The following MAST4 variants were observed in gnomAD, a reference collection of about 807,000 sequenced individuals.
The protein encoded by MAST4 is microtubule associated serine/threonine kinase family member 4.
Under a neutral mutation model 162.7 loss-of-function variants are expected in MAST4, and 89 were observed. The ratio of observed to expected loss-of-function variants is 0.55; its 90% CI spans 0.46 to 0.65. The LOEUF (loss-of-function observed/expected upper bound fraction) is 0.65, where lower values mean the gene tolerates loss of function less well. Among genes scored for constraint, MAST4 ranks in the 30% least tolerant of loss-of-function variants. The probability of loss-of-function intolerance (pLI) is 0.00; values close to 1 mark genes in which losing one functional copy is unlikely to be tolerated. For missense variants in MAST4, 3,153 were observed against 3,374.0 expected (o/e 0.93, Z 1.62); for synonymous variants, 1,479 against 1,361.1 (o/e 1.09, Z -1.91).
At chr5:66,769,804 C>G (rs977459244) in intron 2 of MAST4, among the ~76,000 whole-genome samples, 1 of 152,130 alleles carries the variant, frequency 6.6e-6, no homozygotes, top group East Asian at 1.9e-4. Context: ...TTTTAAAGGG[C>G]AAAGATCTTT....
At position 66,658,219 on chromosome 5, in the gene MAST4, A is replaced by C. The variant is rs1392236486; in HGVS notation, c.363+61201A>C. ...CTGCTTTTTAAAATTTGCATCATAA[A>C]AATATATAGGTTACATAGTTGGCTT... On this transcript the variant is annotated intron_variant, in intron 1 of 28. Coordinates refer to ENST00000403625, the MANE Select transcript of MAST4 (RefSeq NM_001164664.2). 2.0e-5 allele frequency among the ~76,000 whole-genome samples: 3 copies of C among 152,234 alleles called. No homozygotes were observed. In the East Asian group the frequency reaches 5.8e-4, roughly 29 times the overall value.
chr5:67,082,240 C>G (rs1218872558), intron 5 of MAST4, among the ~76,000 whole-genome samples: 3 of 151,758 alleles, frequency 2.0e-5, no homozygotes, highest in Admixed American at 2.0e-4. Context: ...CTTCTGCCCC[C>G]GGGGTGCAAG....
intron 1 of MAST4, among the ~76,000 whole-genome samples, chr5:66,622,580 C>T (rs1210746219): frequency 2.0e-5 from 3 of 152,116 alleles, no homozygotes; most frequent in South Asian, 2.1e-4. Flanking sequence ...TTAAGGGTTA[C>T]TGCAGTAATC....
intron 4 of MAST4, among the ~76,000 whole-genome samples, chr5:67,031,679 C>T (rs1046065632): frequency 2.0e-5 from 3 of 152,156 alleles, no homozygotes; most frequent in African/African-American, 7.2e-5. Context: ...GATCTGTTAG[C>T]TGGAGAAAGA....
intron 1 of MAST4, among the ~76,000 whole-genome samples, chr5:66,615,521 CAA>C (rs978002332): frequency 6.6e-6 from 1 of 152,062 alleles, no homozygotes; most frequent in Non-Finnish European, 1.5e-5. Flanking sequence ...AGTTTGATCT[CAA>C]GAGAAAAGTA....
chr5:66,921,300 T>A (rs1436334015), intron 4 of MAST4, among the ~76,000 whole-genome samples: 1 of 152,106 alleles, frequency 6.6e-6, no homozygotes, highest in Non-Finnish European at 1.5e-5. Context: ...TCAGGCCTCA[T>A]GTTCAAAGCG....
intron 5 of MAST4, 110 bp downstream of exon 5, chr5:67,054,602 T>C: frequency 1.0e-6 from 1 of 963,080 alleles, no homozygotes; most frequent in Non-Finnish European, 1.5e-6. Flanking sequence ...ATCTTTGTTT[T>C]CCTGCTGTTT....
intron 4 of MAST4, among the ~76,000 whole-genome samples, chr5:66,982,278 T>A (rs1748952808): frequency 6.6e-6 from 1 of 152,182 alleles, no homozygotes; most frequent in Admixed American, 6.5e-5. Context: ...GTGTGTGCTT[T>A]CTTTTAACTT....
chr5:66,968,840 T>C (rs1291158734), intron 4 of MAST4, among the ~76,000 whole-genome samples: 1 of 152,194 alleles, frequency 6.6e-6, no homozygotes, highest in East Asian at 1.9e-4. Flanking sequence ...TTAATTAAAG[T>C]TAGACCCCAG....
At chr5:66,924,455 G>GCGAT (rs544618090) in intron 4 of MAST4, among the ~76,000 whole-genome samples, 2,440 of 151,320 alleles carry the variant, frequency 0.016, 30 homozygotes, top group Middle Eastern at 0.034. Flanking sequence ...GTGCAGTGGC[G>GCGAT]CGATCTCGGC....
intron 1 of MAST4, among the ~76,000 whole-genome samples, chr5:66,749,057 C>G (rs1276796011): frequency 6.6e-6 from 1 of 151,920 alleles, no homozygotes; most frequent in Non-Finnish European, 1.5e-5. Context: ...AGGTGTCACT[C>G]AGGAGGGCCA....
At chr5:67,069,313 A>ATATATATATATATATATAT (rs1230619144) in intron 5 of MAST4, among the ~76,000 whole-genome samples, 904 of 64,720 alleles carry the variant, frequency 0.014, 23 homozygotes, top group Middle Eastern at 0.027. Flanking sequence ...TATATATATA[A>ATATATATATATATATATAT]AATTTTAAAA....
chr5:67,034,523 C>A (rs892499601), intron 4 of MAST4, among the ~76,000 whole-genome samples: 1 of 152,134 alleles, frequency 6.6e-6, no homozygotes, highest in Non-Finnish European at 1.5e-5. Flanking sequence ...AGTCAGGCGG[C>A]CTTCCTGAAA....
chr5:66,877,881 C>G (rs1266040336), intron 3 of MAST4, among the ~76,000 whole-genome samples: 1 of 152,114 alleles, frequency 6.6e-6, no homozygotes, highest in Non-Finnish European at 1.5e-5. Context: ...CCTTTAAAAG[C>G]AAAAACAATA....
chr5:66,963,642 C>G (rs968808931), intron 4 of MAST4: 2 of 774,378 alleles, frequency 2.6e-6, no homozygotes, highest in Admixed American at 1.7e-5. Flanking sequence ...AGTCCCTTAA[C>G]TGAGCTATGC....
chr5:66,661,934 G>C (rs4395593), intron 1 of MAST4, among the ~76,000 whole-genome samples: 55,940 of 151,986 alleles, frequency 0.37, 10,733 homozygotes, highest in East Asian at 0.57. Flanking sequence ...AATATTCTCT[G>C]TTATAAGCTA....
At chr5:66,754,837 C>G (rs1394867689) in intron 1 of MAST4, among the ~76,000 whole-genome samples, 1 of 152,084 alleles carries the variant, frequency 6.6e-6, no homozygotes, top group African/African-American at 2.4e-5. Flanking sequence ...CAGAGGGCAT[C>G]CCAGGAAGAG....
At position 66,788,786 on chromosome 5, in the gene MAST4, G is replaced by A. The variant is rs1202047540; in HGVS notation, c.634G>A (p.Ala212Thr). The stretch of plus-strand genomic sequence containing the variant: ...GGGCCAGTCGGCGCCCTCGCTCACC[G>A]CCAGCCTGGTGAGTGTCCGCGGGCG... The part of the protein sequence containing the change: ...ALGQSAPSLT[A>T]SLKELSLPRR... The change falls in exon 3 of 29, where the codon GCC becomes ACC. Residue 212 changes from alanine to threonine, a missense_variant. Transcript: ENST00000403625. 1.3e-6 allele frequency: 2 copies of A among 1,586,604 alleles called. No individual in the cohort carries two copies. Among genetic ancestry groups the A allele is most frequent in the Non-Finnish European group, 1.7e-6 (2 of 1,166,644 alleles).
intron 5 of MAST4, among the ~76,000 whole-genome samples, chr5:67,074,956 C>T (rs745944430): frequency 6.6e-6 from 1 of 152,142 alleles, no homozygotes; most frequent in Non-Finnish European, 1.5e-5. Context: ...TCACCATCTG[C>T]CTCAGTCTAA....
Sources: allele counts gnomAD v4.1 joint callset (sites outside exome capture counted in the v4.1 genomes callset), GRCh38; gene constraint gnomAD v4.1.1; transcripts MANE v1.5; gene names NCBI Gene and HGNC (gene_info 2026-07-23, HGNC 2026-07-21).